Variants in LRRC4C observed in about 807,000 individuals in gnomAD.
LRRC4C encodes the protein leucine rich repeat containing 4C, also known as leucine-rich repeat-containing protein 4C.
In LRRC4C, 5 loss-of-function variants were observed where a neutral mutation model predicts 33.6. That is an observed-to-expected ratio of 0.15 (90% CI 0.08 to 0.31). LRRC4C has a LOEUF of 0.31. LRRC4C is among the 10% of genes least tolerant of loss of function. The pLI is 1.00. For synonymous variants in LRRC4C, 329 were observed against 302.0 expected (o/e 1.09, Z -0.93); for missense variants, 560 against 796.7 (o/e 0.70, Z 3.58).
At chr11:41,190,270 G>A (rs1945882974) in intron 1 of LRRC4C, among the ~76,000 whole-genome samples, 1 of 152,108 alleles carries the variant, frequency 6.6e-6, no homozygotes, top group Non-Finnish European at 1.5e-5. Context: ...TCACAGAGGT[G>A]AAATTTAAAC....
At chr11:41,153,022 A>C (rs1490049325) in intron 1 of LRRC4C, among the ~76,000 whole-genome samples, 1 of 152,164 alleles carries the variant, frequency 6.6e-6, no homozygotes, top group Non-Finnish European at 1.5e-5. Flanking sequence ...TTAGTCTCCT[A>C]CCACCAACTC....
intron 1 of LRRC4C, among the ~76,000 whole-genome samples, chr11:41,024,888 C>T (rs370498845): frequency 6.6e-6 from 1 of 151,432 alleles, no homozygotes; most frequent in East Asian, 1.9e-4. Flanking sequence ...GTTTCAGTGT[C>T]ACATTTTAGT....
intron 1 of LRRC4C, among the ~76,000 whole-genome samples, chr11:41,164,184 CT>C (rs1224826915): frequency 1.8e-5 from 1 of 55,340 alleles, no homozygotes; most frequent in Admixed American, 3.4e-4. Flanking sequence ...TTTCTTTTAC[CT>C]TTTTTATTTT....
rs147731041 is a variant in LRRC4C, at chr11:40,262,693, C to G, written c.-175-21095G>C. On this transcript the variant is annotated intron_variant, in intron 4 of 6. Coordinates refer to ENST00000528697, the MANE Select transcript of LRRC4C (RefSeq NM_001258419.2). ...CATGTCCTTTGCAGGGACATGGATG[C>G]AGCCAGAAACCATCATTCTCAGGAA... Among the ~76,000 whole-genome samples the G allele has an allele frequency of 1.7e-3, 252 of 152,170 alleles. 2 individuals are homozygous for G. The highest frequency in any genetic ancestry group is 5.4e-3 in the African/African-American group (223 of 41,530).
At chr11:41,388,428 CA>C (rs1953448141) in intron 1 of LRRC4C, among the ~76,000 whole-genome samples, 3 of 151,822 alleles carry the variant, frequency 2.0e-5, no homozygotes, top group African/African-American at 7.2e-5. Context: ...AAATGACCCA[CA>C]TGGTACTGGG....
At chr11:41,063,711 G>A (rs2135380531) in intron 1 of LRRC4C, among the ~76,000 whole-genome samples, 1 of 152,312 alleles carries the variant, frequency 6.6e-6, no homozygotes, top group African/African-American at 2.4e-5. Context: ...TAAGGCCATA[G>A]AGTCAGCAAG....
chr11:40,620,089 T>G (rs1962304711), intron 3 of LRRC4C, among the ~76,000 whole-genome samples: 1 of 149,312 alleles, frequency 6.7e-6, no homozygotes, highest in Middle Eastern at 3.6e-3. Flanking sequence ...TGAGCCGAGC[T>G]GAGAGCTGAG....
chr11:40,813,117 T>C (rs1951562809), intron 2 of LRRC4C, among the ~76,000 whole-genome samples: 3 of 152,210 alleles, frequency 2.0e-5, no homozygotes, highest in Admixed American at 6.5e-5. Flanking sequence ...GATGCCAGAA[T>C]AAAATCTAAT....
intron 1 of LRRC4C, among the ~76,000 whole-genome samples, chr11:41,071,927 G>A (rs929517888): frequency 6.6e-6 from 1 of 152,178 alleles, no homozygotes; most frequent in Non-Finnish European, 1.5e-5. Context: ...AGTGGAGGAA[G>A]TCACTGCAGA....
chr11:40,743,569 A>G (rs1347605316), intron 2 of LRRC4C, among the ~76,000 whole-genome samples: 1 of 152,126 alleles, frequency 6.6e-6, no homozygotes, highest in African/African-American at 2.4e-5. Flanking sequence ...GGCTTCATTC[A>G]TGTGAACTAA....
Position 40,746,750 on chromosome 11 carries a change from C to T in LRRC4C, c.-406-98472G>A, listed in dbSNP as rs564657883. On this transcript the variant is annotated intron_variant, in intron 2 of 6. Transcript: ENST00000528697. ...CATCACCATGGTCCCCTGAGCACTC[C>T]TCTTGGTGAACTGAACACTCCTCCT... 1.3e-4 allele frequency among the ~76,000 whole-genome samples: 20 copies of T among 152,254 alleles called. No homozygotes were observed. The South Asian group carries it at 3.9e-3, about 30-fold the overall frequency.
chr11:41,046,763 A>G (rs1357534721), intron 1 of LRRC4C, among the ~76,000 whole-genome samples: 1 of 152,206 alleles, frequency 6.6e-6, no homozygotes, highest in Non-Finnish European at 1.5e-5. Context: ...TAACCAACTT[A>G]GTTTCACGGT....
chr11:40,711,721 A>C (rs1946473539), intron 2 of LRRC4C, among the ~76,000 whole-genome samples: 1 of 119,936 alleles, frequency 8.3e-6, no homozygotes, highest in Non-Finnish European at 1.9e-5. Context: ...ATTCAGAGTT[A>C]GAAAAAAAAA....
intron 2 of LRRC4C, among the ~76,000 whole-genome samples, chr11:40,841,493 G>A (rs537118533): frequency 6.6e-6 from 1 of 152,276 alleles, no homozygotes; most frequent in Non-Finnish European, 1.5e-5. Flanking sequence ...GTCCTTATAA[G>A]AAAAGAGAGC....
chr11:40,498,326 A>C (rs906643137), intron 3 of LRRC4C, among the ~76,000 whole-genome samples: 5 of 152,178 alleles, frequency 3.3e-5, no homozygotes, highest in Admixed American at 2.6e-4. Context: ...TATAGCACCC[A>C]AATTAAAAAT....
chr11:40,938,672 G>A (rs1412825731), intron 1 of LRRC4C, among the ~76,000 whole-genome samples: 1 of 152,178 alleles, frequency 6.6e-6, no homozygotes, highest in African/African-American at 2.4e-5. Context: ...ACAAGGTAGT[G>A]AAGTGATTGG....
intron 1 of LRRC4C, among the ~76,000 whole-genome samples, chr11:41,275,494 T>C (rs1949454934): frequency 6.6e-6 from 1 of 152,176 alleles, no homozygotes; most frequent in African/African-American, 2.4e-5. Flanking sequence ...CATATTTTCT[T>C]TTTGTTGTTG....
At chr11:40,260,080 T>C (rs769125207) in intron 4 of LRRC4C, among the ~76,000 whole-genome samples, 30 of 137,368 alleles carry the variant, frequency 2.2e-4, no homozygotes, top group Middle Eastern at 3.5e-3. Context: ...CTATAAATCA[T>C]GCTGCTATAA....
chr11:40,173,718 G>A (rs1277568279), intron 5 of LRRC4C, among the ~76,000 whole-genome samples: 3 of 151,944 alleles, frequency 2.0e-5, no homozygotes, highest in African/African-American at 7.2e-5. Context: ...AGGAAGAAGG[G>A]GGAAGCAAAG....
Sources: allele counts gnomAD v4.1 joint callset (sites outside exome capture counted in the v4.1 genomes callset), GRCh38; gene constraint gnomAD v4.1.1; transcripts MANE v1.5; gene names NCBI Gene and HGNC (gene_info 2026-07-23, HGNC 2026-07-21).